The following FLI1 variants were observed in gnomAD, a reference collection of about 807,000 sequenced individuals.
FLI1 encodes Friend leukemia integration 1 transcription factor.
A neutral mutation model predicts 53.1 loss-of-function variants in FLI1; 13 were observed. That is an observed-to-expected ratio of 0.24 (90% confidence interval 0.16 to 0.39). The LOEUF is 0.39. Ranked by LOEUF, FLI1 falls within the 10% of genes least tolerant of loss-of-function variation. The pLI is 1.00. For synonymous variants in FLI1, 244 were observed against 236.7 expected, an observed-to-expected ratio of 1.03 and a Z score of -0.28; for missense variants, 424 against 600.5, an observed-to-expected ratio of 0.71 and a Z score of 3.07.
chr11:128,697,061 C>T (rs1938110377), intron 1 of FLI1, among the ~76,000 whole-genome samples: 2 of 152,168 alleles, frequency 1.3e-5, no homozygotes, highest in Non-Finnish European at 1.5e-5. Context: ...TTGCTGGAGC[C>T]ACGCTACTCT....
At chr11:128,689,683 C>T (rs1405762367), upstream of FLI1, among the ~76,000 whole-genome samples, 3 of 152,206 alleles carry the variant, frequency 2.0e-5, no homozygotes, top group Non-Finnish European at 4.4e-5. Context: ...CCCACCTTGG[C>T]CCCATCCCAA....
At chr11:128,777,623 G>C (rs977687247) in intron 4 of FLI1, among the ~76,000 whole-genome samples, 1 of 152,208 alleles carries the variant, frequency 6.6e-6, no homozygotes, top group Non-Finnish European at 1.5e-5. Context: ...AAAAGGCCAG[G>C]TTTCCCTGGA....
upstream of FLI1, among the ~76,000 whole-genome samples, chr11:128,690,541 C>CA (rs376870353): frequency 8.3e-4 from 127 of 152,330 alleles, no homozygotes; most frequent in African/African-American, 2.6e-3. Flanking sequence ...CGAGCCAAGA[C>CA]ACGTTTCGAC....
intron 1 of FLI1, 48 bp downstream of exon 1, chr11:128,694,324 G>C: frequency 7.7e-7 from 1 of 1,298,092 alleles, no homozygotes. Flanking sequence ...GGCCGGGGAG[G>C]CGAAGCGGCG....
At chr11:128,794,861 A>C (rs1942382587) in intron 5 of FLI1, among the ~76,000 whole-genome samples, 1 of 152,136 alleles carries the variant, frequency 6.6e-6, no homozygotes, top group South Asian at 2.1e-4. Context: ...AGATCACTTA[A>C]ACTCAGGAGT....
chr11:128,793,359 C>A (rs990907907), intron 5 of FLI1, among the ~76,000 whole-genome samples: 6 of 152,132 alleles, frequency 3.9e-5, no homozygotes, highest in Admixed American at 3.3e-4. Flanking sequence ...CCACCCTGCC[C>A]CGTGTCCCTC....
intron 1 of FLI1, among the ~76,000 whole-genome samples, chr11:128,747,535 G>A (rs937777816): frequency 6.6e-6 from 1 of 152,192 alleles, no homozygotes; most frequent in Non-Finnish European, 1.5e-5. Flanking sequence ...CGGCTAGGTG[G>A]GAGAATACTG....
intron 4 of FLI1, among the ~76,000 whole-genome samples, chr11:128,777,705 C>A (rs1941779389): frequency 6.6e-6 from 1 of 152,236 alleles, no homozygotes; most frequent in African/African-American, 2.4e-5. Flanking sequence ...CACACTCAGC[C>A]AGAGCTGTTG....
chr11:128,782,312 G>T (rs1172443500), intron 5 of FLI1, among the ~76,000 whole-genome samples: 2 of 152,218 alleles, frequency 1.3e-5, no homozygotes, highest in African/African-American at 4.8e-5. Flanking sequence ...TACTTTCAAA[G>T]TTGAAAGTTG....
Position 128,758,146 on chromosome 11 carries a change from C to T in FLI1, c.50C>T (p.Ser17Phe). 1.2e-6 allele frequency: 2 copies of T among 1,613,348 alleles called. No individual in the cohort carries two copies. Among genetic ancestry groups the T allele is most frequent in the Non-Finnish European group, 1.7e-6 (2 of 1,179,656 alleles). ...EALSVVSDDQ[S>F]LFDSAYGAAA... ...CTGTCGGTGGTGAGCGACGACCAGT[C>T]CCTCTTTGACTCAGCGTACGGAGCG... is the stretch of plus-strand genomic sequence containing the variant. The change falls in exon 2 of 9, where the codon TCC becomes TTC. Residue 17 changes from serine to phenylalanine, a missense_variant. Around this residue, in one of 5 missense-constraint regions of FLI1, gnomAD observed 137 missense variants for 169.1 expected, o/e 0.81. Transcript: ENST00000527786.
At chr11:128,792,280 C>A (rs1451722354) in intron 5 of FLI1, among the ~76,000 whole-genome samples, 1 of 152,182 alleles carries the variant, frequency 6.6e-6, no homozygotes, top group African/African-American at 2.4e-5. Context: ...CCCCATCATG[C>A]ATTTCCCCCA....
intron 4 of FLI1, among the ~76,000 whole-genome samples, chr11:128,778,104 C>G (rs952730073): frequency 6.6e-6 from 1 of 152,088 alleles, no homozygotes; most frequent in Admixed American, 6.6e-5. Flanking sequence ...AGCAAAAATG[C>G]CCTCAATAAA....
chr11:128,799,031 A>ATTT (rs1369806340), intron 5 of FLI1, among the ~76,000 whole-genome samples: 2 of 132,974 alleles, frequency 1.5e-5, no homozygotes, highest in Non-Finnish European at 1.6e-5. Context: ...TATTATTATT[A>ATTT]TTATTATTAT....
intron 5 of FLI1, among the ~76,000 whole-genome samples, chr11:128,792,178 C>T (rs1047373732): frequency 6.6e-6 from 1 of 152,166 alleles, no homozygotes; most frequent in Non-Finnish European, 1.5e-5. Context: ...TAGTATGAAA[C>T]AGAAACAGAA....
intron 1 of FLI1, among the ~76,000 whole-genome samples, chr11:128,695,660 C>T (rs1001803809): frequency 4.6e-5 from 7 of 152,088 alleles, no homozygotes; most frequent in African/African-American, 1.7e-4. Context: ...AGATAACTGA[C>T]TGTGATGGGT....
intron 1 of FLI1, among the ~76,000 whole-genome samples, chr11:128,716,622 G>A (rs1312805673): frequency 2.0e-5 from 3 of 152,148 alleles, no homozygotes; most frequent in South Asian, 2.1e-4. Context: ...GATCTTAGCC[G>A]TGTGCCCATC....
rs1942030531 is a variant in FLI1, at chr11:128,784,614, AG to A, written c.655+2593del. Among the ~76,000 whole-genome samples, 7 of 152,188 alleles carry A rather than the reference AG, an allele frequency of 4.6e-5. No homozygotes were observed. The South Asian group carries it at 1.5e-3, about 32-fold the overall frequency. ...TGCTCCTCTATGCCTTCCCCTTGTGAGGTGGTCTGAATCTGTCTGAACGACC... is the reference window on the plus strand; with the variant it reads ...TGCTCCTCTATGCCTTCCCCTTGTGAGTGGTCTGAATCTGTCTGAACGACC... On this transcript the variant is annotated intron_variant, in intron 5 of 8. Coordinates refer to ENST00000527786, the MANE Select transcript of FLI1 (RefSeq NM_002017.5).
At chr11:128,729,863 T>C (rs1939624838) in intron 1 of FLI1, among the ~76,000 whole-genome samples, 11 of 152,336 alleles carry the variant, frequency 7.2e-5, no homozygotes, top group Admixed American at 5.9e-4. Context: ...GATGCTTATT[T>C]TTTCAAAATG....
chr11:128,784,171 G>A (rs1942009917), intron 5 of FLI1, among the ~76,000 whole-genome samples: 1 of 150,876 alleles, frequency 6.6e-6, no homozygotes. Context: ...TCAGATATAG[G>A]GTTTAGTTTA....
Sources: allele counts gnomAD v4.1 joint callset (sites outside exome capture counted in the v4.1 genomes callset), GRCh38; gene constraint gnomAD v4.1.1; regional missense constraint gnomAD v4.1.1; transcripts MANE v1.5; gene names NCBI Gene and HGNC (gene_info 2026-07-23, HGNC 2026-07-21).